NAALADL1: variants seen among roughly 807,000 people sequenced by gnomAD.
NAALADL1 encodes aminopeptidase NAALADL1.
Under a neutral mutation model 82.8 loss-of-function variants are expected in NAALADL1, and 77 were observed. The ratio of observed to expected loss-of-function variants is 0.93; its 90% CI spans 0.77 to 1.12. The LOEUF is 1.12. Among genes scored for constraint, NAALADL1 ranks in the 50% most tolerant of loss-of-function variants. NAALADL1 has a pLI of 0.00. For missense variants in NAALADL1, 956 were observed against 964.0 expected, an observed-to-expected ratio of 0.99 and a Z score of 0.11; for synonymous variants, 358 against 399.2, an observed-to-expected ratio of 0.90 and a Z score of 1.23.
rs745912360 is a variant in NAALADL1 at position 65,054,206 on chromosome 11, G to T, written c.992+44C>A. ...ACAAGGGAAGGGGAGAGGCGAGTTGGGGGAGAGGGCAACTGAGGGAGACCT... is the reference window on the plus strand; with the variant it reads ...ACAAGGGAAGGGGAGAGGCGAGTTGTGGGAGAGGGCAACTGAGGGAGACCT... On this transcript the variant is annotated intron_variant, in intron 6 of 17. Transcript: ENST00000358658. This position sits in a 1 kb window ranked among gnomAD's most constrained non-coding sequence, Gnocchi z 4.3. 2.0e-6 allele frequency: 3 copies of T among 1,534,060 alleles called. No individual in the cohort carries two copies. The South Asian group carries it at 3.4e-5, about 18-fold the overall frequency.
chr11:65,045,793 C>T lies in NAALADL1; in HGVS notation c.2036+29G>A, dbSNP rs1422407547. 4 of 1,602,360 alleles carry T rather than the reference C, an allele frequency of 2.5e-6. No individual in the cohort carries two copies. In the South Asian group the frequency reaches 3.3e-5, roughly 13 times the overall value. ...GCCATTGTCCGGCCCCACCTGGAGG[C>T]ACCTCCCAGGACTCTGGGACAGACT... is the stretch of plus-strand genomic sequence containing the variant. On this transcript the variant is annotated intron_variant, in intron 17 of 17. Coordinates refer to ENST00000358658, the MANE Select transcript of NAALADL1 (RefSeq NM_005468.3).
chr11:65,060,860 C>T (rs1366955466), upstream of NAALADL1, among the ~76,000 whole-genome samples: 1 of 152,088 alleles, frequency 6.6e-6, no homozygotes, highest in Non-Finnish European at 1.5e-5. Context: ...TTTCATTTTC[C>T]TGCCTTATTC....
chr11:65,054,160 G>T lies in NAALADL1; in HGVS notation c.992+90C>A. 8.6e-7 allele frequency: 1 copy of T among 1,157,792 alleles called. No individual in the cohort carries two copies. Among genetic ancestry groups the T allele is most frequent in the Non-Finnish European group, 1.3e-6 (1 of 793,446 alleles). 71.7% of individuals were successfully genotyped at this position (1,157,792 alleles called of 1,614,324 possible). A position where few individuals can be genotyped will look rare whatever the true frequency, so the allele number is the denominator to read the frequency against. ...AAAGGGAAAAAGGTCAGGCTTTGAA[G>T]TGGAAAGAGGGAACATCATCACAAG... On this transcript the variant is annotated intron_variant, in intron 6 of 17. Transcript: ENST00000358658. This position sits in a 1 kb window ranked among gnomAD's most constrained non-coding sequence, Gnocchi z 4.3.
Position 65,054,357 on chromosome 11 carries a change from G to A in NAALADL1, c.888-3C>T, listed in dbSNP as rs1462007347. ...GGGCCAAAGTTCCGTTGAGGTTACT[G>A]GGGAGGAGGAAGAGGCCCTTCAGGG... On this transcript the variant is annotated splice_polypyrimidine_tract_variant and splice_region_variant and intron_variant, in intron 5 of 17. Coordinates refer to ENST00000358658, the MANE Select transcript of NAALADL1 (RefSeq NM_005468.3). The surrounding 1 kb of genome is among the most constrained non-coding windows in gnomAD (Gnocchi z 4.3). 7 of 1,613,778 alleles carry A rather than the reference G, an allele frequency of 4.3e-6. No homozygotes were observed. The highest frequency in any genetic ancestry group is 1.3e-5 in the African/African-American group (1 of 74,910).
rs1052544017 is a variant in NAALADL1, at chr11:65,053,177, G to A, written c.1198+41C>T. 13 of 1,497,744 alleles carry A rather than the reference G, an allele frequency of 8.7e-6. No homozygotes were observed. The highest frequency in any genetic ancestry group is 4.7e-5 in the Admixed American group (2 of 42,944). The allele number at this position is 1,497,744 out of a possible 1,614,324, so 92.8% of individuals were successfully genotyped here. ...GAGGTGGAACAGGAAGGGGACCTCC[G>A]GGGGCGAAGGTCCCTGGTCCAGGGG... On this transcript the variant is annotated intron_variant, in intron 8 of 17. Coordinates refer to ENST00000358658, the MANE Select transcript of NAALADL1 (RefSeq NM_005468.3). The surrounding 1 kb of genome is among the most constrained non-coding windows in gnomAD (Gnocchi z 4.3).
rs771969002 is a variant in NAALADL1 at position 65,046,255 on chromosome 11, G to A, written c.1789C>T (p.Arg597Cys). The part of the protein sequence containing the change: ...LKVSDYSETL[R>C]SFLQAAQQDL... ...TGCTGGGCTGCCTGCAGGAAGCTGC[G>A]GAGTGTCTCACTGTAGTCACTGACT... The change falls in exon 15 of 18, where the codon CGC becomes TGC. Residue 597 changes from arginine (R) to cysteine (C), a missense_variant. Coordinates refer to ENST00000358658, the MANE Select transcript of NAALADL1 (RefSeq NM_005468.3). 9 of 1,614,138 alleles carry A rather than the reference G, an allele frequency of 5.6e-6. No homozygotes were observed. The highest frequency in any genetic ancestry group is 2.2e-5 in the East Asian group (1 of 44,888).
At chr11:65,057,714 G>GGAAAC in intron 3 of NAALADL1, among the ~76,000 whole-genome samples, 161 bp downstream of exon 3, 1 of 152,130 alleles carries the variant, frequency 6.6e-6, no homozygotes, top group Non-Finnish European at 1.5e-5. Flanking sequence ...TTTGTTGAAT[G>GGAAAC]ACTGATGGAG....
chr11:65,058,270 A>G lies in NAALADL1; in HGVS notation c.186-20T>C, dbSNP rs1947103158. 6.2e-7 allele frequency: 1 copy of G among 1,613,342 alleles called. No individual in the cohort carries two copies. The highest frequency in any genetic ancestry group is 1.3e-5 in the African/African-American group (1 of 74,870). ...AGTTCTCTGCAGGGTGGGCAGAGGGAGGGGCAGGGCCAGCATCAGGGAGGG... is the reference window on the plus strand; with the variant it reads ...AGTTCTCTGCAGGGTGGGCAGAGGGGGGGGCAGGGCCAGCATCAGGGAGGG... On this transcript the variant is annotated intron_variant, in intron 1 of 17. Coordinates refer to ENST00000358658, the MANE Select transcript of NAALADL1 (RefSeq NM_005468.3).
Position 65,054,209 on chromosome 11 carries a change from G to A in NAALADL1, c.992+41C>T. 6.5e-7 allele frequency: 1 copy of A among 1,547,330 alleles called. No homozygotes were observed. Reference sequence around the variant, plus strand: ...AGGGAAGGGGAGAGGCGAGTTGGGGGAGAGGGCAACTGAGGGAGACCTGGT... The same window carrying A: ...AGGGAAGGGGAGAGGCGAGTTGGGGAAGAGGGCAACTGAGGGAGACCTGGT... On this transcript the variant is annotated intron_variant, in intron 6 of 17. Transcript: ENST00000358658. This position sits in a 1 kb window ranked among gnomAD's most constrained non-coding sequence, Gnocchi z 4.3.
chr11:65,049,105 C>T (rs1338867475), intron 8 of NAALADL1, among the ~76,000 whole-genome samples: 2 of 152,202 alleles, frequency 1.3e-5, no homozygotes, highest in Non-Finnish European at 2.9e-5. Flanking sequence ...CCCACACCCT[C>T]AACTTCCTGG....
chr11:65,045,419 G>T lies in NAALADL1; in HGVS notation c.2075C>A (p.Thr692Lys), dbSNP rs370097990. Residue 692 changes from threonine to lysine, a missense_variant, in exon 18 of 18, where the codon ACA becomes AAA. Thr to Lys is a moderately conservative substitution (Grantham distance 78, BLOSUM62 -1). Transcript: ENST00000358658. ...GCAGGCATTGGATAGGCCCGGGAATGTGACTACGGAGCCCGTGCGAGGTGC... is the reference window on the plus strand; with the variant it reads ...GCAGGCATTGGATAGGCCCGGGAATTTGACTACGGAGCCCGTGCGAGGTGC... Reference protein sequence around the residue: ...LWAPRTGSVVTFPGLSNACSR... With the variant: ...LWAPRTGSVVKFPGLSNACSR... 5 of 1,612,892 alleles carry T rather than the reference G, an allele frequency of 3.1e-6. No homozygotes were observed. The highest frequency in any genetic ancestry group is 4.2e-6 in the Non-Finnish European group (5 of 1,179,654).
In NAALADL1 at chr11:65,053,670, C is replaced by T. The variant is rs1173914634; in HGVS notation, c.993-94G>A. 1.4e-5 allele frequency: 16 copies of T among 1,128,702 alleles called. No homozygotes were observed. Among genetic ancestry groups the T allele is most frequent in the East Asian group, 1.0e-4 (4 of 39,550 alleles). The allele number at this position is 1,128,702 out of a possible 1,614,324, so 69.9% of individuals were successfully genotyped here. A position where few individuals can be genotyped will look rare whatever the true frequency, so the allele number is the denominator to read the frequency against. ...ACTGAGGCCCGGAGCTGGAAAGTGA[C>T]GTGGCAAGGCCATTCATTGGCCCCG... On this transcript the variant is annotated intron_variant, in intron 6 of 17. Coordinates refer to ENST00000358658, the MANE Select transcript of NAALADL1 (RefSeq NM_005468.3). This position sits in a 1 kb window ranked among gnomAD's most constrained non-coding sequence, Gnocchi z 4.3.
chr11:65,047,545 C>G lies in NAALADL1; in HGVS notation c.1529G>C (p.Gly510Ala). The G allele has an allele frequency of 6.4e-7, 1 of 1,571,826 alleles. No homozygotes were observed. Among genetic ancestry groups the G allele is most frequent in the South Asian group, 1.2e-5 (1 of 85,588 alleles). The part of the protein sequence containing the change: ...LVPSLGSLGA[G>A]SDYAPFVHFL... Reference sequence around the variant, plus strand: ...GTGAACGAAGGGTGCATAGTCGCTGCCAGCACCCAGAGAACCCAAGCTGCG... The same window carrying G: ...GTGAACGAAGGGTGCATAGTCGCTGGCAGCACCCAGAGAACCCAAGCTGCG... Residue 510 changes from glycine (G) to alanine (A), a missense_variant, in exon 13 of 18, where the codon GGC (glycine) becomes GCC (alanine). By Grantham distance (60) the Gly-to-Ala change is moderately conservative (BLOSUM62 0). Transcript: ENST00000358658.
intron 3 of NAALADL1, 109 bp from the exon 4 acceptor site, chr11:65,057,602 A>T (rs909153407): frequency 7.0e-7 from 1 of 1,422,276 alleles, no homozygotes; most frequent in Non-Finnish European, 9.4e-7. Flanking sequence ...CTGTTCCCCC[A>T]CCTCACCCAG....
At position 65,045,388 on chromosome 11, in the gene NAALADL1, C is replaced by T; in HGVS notation, c.2106G>A (p.Arg702=). The T allele has an allele frequency of 1.2e-6, 2 of 1,613,034 alleles. No individual in the cohort carries two copies. The highest frequency in any genetic ancestry group is 1.1e-5 in the South Asian group (1 of 90,852). The change falls in exon 18 of 18, where the codon AGG becomes AGA. Residue 702 remains arginine, a synonymous_variant. Coordinates refer to ENST00000358658, the MANE Select transcript of NAALADL1 (RefSeq NM_005468.3). ...TFPGLSNACS[R]ARDTASGSEA... is the part of the protein sequence containing the mutation. ...CAGATCCAGAAGCTGTGTCCCTGGC[C>T]CTGGAGCAGGCATTGGATAGGCCCG...
chr11:65,045,529 C>G, intron 17 of NAALADL1, 72 bp from the exon 18 acceptor site: 2 of 1,452,296 alleles, frequency 1.4e-6, no homozygotes, highest in South Asian at 2.8e-5. Context: ...GGGCCTAGAA[C>G]TGGCTCAGCT....
chr11:65,045,111 G>T lies in NAALADL1; in HGVS notation c.*160C>A. 1 of 784,640 alleles carries T rather than the reference G, an allele frequency of 1.3e-6. No homozygotes were observed. Among genetic ancestry groups the T allele is most frequent in the Non-Finnish European group, 2.0e-6 (1 of 502,010 alleles). The allele number at this position is 784,640 out of a possible 1,614,324, so 48.6% of individuals were successfully genotyped here. A position where few individuals can be genotyped will look rare whatever the true frequency, so the allele number is the denominator to read the frequency against. On this transcript the variant is annotated 3_prime_UTR_variant, in exon 18 of 18. Coordinates refer to ENST00000358658, the MANE Select transcript of NAALADL1 (RefSeq NM_005468.3). ...CCAGGATGAGGGTGAGTTGCATTAG[G>T]GCTTGCCACTCCCCTCAGGGACCTC...
chr11:65,049,015 A>C (rs560495472), intron 8 of NAALADL1, among the ~76,000 whole-genome samples: 1 of 152,106 alleles, frequency 6.6e-6, no homozygotes, highest in South Asian at 2.1e-4. Context: ...GTGAGCTGAG[A>C]TCGTGCCACT....
At chr11:65,045,719 G>T in intron 17 of NAALADL1, 103 bp downstream of exon 17, 2 of 1,164,090 alleles carry the variant, frequency 1.7e-6, no homozygotes, top group Non-Finnish European at 1.2e-6. Flanking sequence ...CAGGGGCTGG[G>T]TTGCACTCTA....
Sources: allele counts gnomAD v4.1 joint callset (sites outside exome capture counted in the v4.1 genomes callset), GRCh38; gene constraint gnomAD v4.1.1; non-coding constraint Gnocchi (gnomAD v3.1); transcripts MANE v1.5; gene names NCBI Gene and HGNC (gene_info 2026-07-23, HGNC 2026-07-21).